Variants in PLSCR1 observed in about 807,000 individuals in gnomAD.
PLSCR1 encodes the protein PL scramblase 1.
A neutral mutation model predicts 37.8 loss-of-function variants in PLSCR1; 17 were observed. The observed-to-expected ratio is 0.45, with a 90% confidence interval of 0.31 to 0.68. The LOEUF (loss-of-function observed/expected upper bound fraction) is 0.68. Ranked by LOEUF, PLSCR1 falls within the 30% of genes least tolerant of loss-of-function variation. The pLI is 0.06. For synonymous variants in PLSCR1, 116 were observed against 125.9 expected (o/e 0.92, Z 0.53); for missense variants, 347 against 380.9 (o/e 0.91, Z 0.74).
intron 7 of PLSCR1, 81 bp downstream of exon 7, chr3:146,521,463 A>T: frequency 8.6e-7 from 1 of 1,161,846 alleles, no homozygotes; most frequent in Non-Finnish European, 1.2e-6. Context: ...ACACTTATTT[A>T]ATGCATTTAT....
intron 3 of PLSCR1, among the ~76,000 whole-genome samples, chr3:146,529,131 T>C (rs1188547342): frequency 6.6e-6 from 1 of 152,222 alleles, no homozygotes; most frequent in African/African-American, 2.4e-5. Context: ...TAGAGTCACC[T>C]ACATAAAGAT....
At chr3:146,544,098 G>A (rs1227025635) in intron 1 of PLSCR1, among the ~76,000 whole-genome samples, 3 of 152,130 alleles carry the variant, frequency 2.0e-5, no homozygotes, top group Non-Finnish European at 2.9e-5. Context: ...CCAGGATTCA[G>A]GGCCGCTCTC....
intron 5 of PLSCR1, among the ~76,000 whole-genome samples, chr3:146,524,829 G>A (rs2044083731): frequency 6.6e-6 from 1 of 152,150 alleles, no homozygotes; most frequent in Non-Finnish European, 1.5e-5. Context: ...ATTTTTACCA[G>A]TGGAAAGAAA....
Position 146,522,070 on chromosome 3 carries a change from C to A in PLSCR1, c.356-17G>T, listed in dbSNP as rs375324462. ...CTGTTAAAACTAAAAACATAAAAGACGAAATCATAATCACCTCTATGTTAA... is the reference window on the plus strand; with the variant it reads ...CTGTTAAAACTAAAAACATAAAAGAAGAAATCATAATCACCTCTATGTTAA... On this transcript the variant is annotated splice_polypyrimidine_tract_variant and intron_variant, in intron 5 of 8. Coordinates refer to ENST00000342435, the MANE Select transcript of PLSCR1 (RefSeq NM_021105.3). The A allele has an allele frequency of 2.3e-6, 3 of 1,331,508 alleles. No individual in the cohort carries two copies. The highest frequency in any genetic ancestry group is 3.3e-6 in the Non-Finnish European group (3 of 922,468). 82.5% of individuals were successfully genotyped at this position (1,331,508 alleles called of 1,614,324 possible). A position where few individuals can be genotyped will look rare whatever the true frequency, so the allele number is the denominator to read the frequency against.
chr3:146,525,580 C>T (rs1156910241), intron 5 of PLSCR1, 25 bp downstream of exon 5: 3 of 1,256,188 alleles, frequency 2.4e-6, no homozygotes, highest in Non-Finnish European at 3.5e-6. Context: ...TTTATAGAAA[C>T]AGGATTAAAA....
intron 2 of PLSCR1, among the ~76,000 whole-genome samples, chr3:146,535,192 T>A (rs1296780219): frequency 7.2e-5 from 11 of 152,096 alleles, no homozygotes; most frequent in Non-Finnish European, 1.5e-4. Context: ...CCTTGACAGG[T>A]ATGTCACATT....
At chr3:146,517,386 T>C (rs929576253) in intron 7 of PLSCR1, 6 of 255,056 alleles carry the variant, frequency 2.4e-5, no homozygotes, top group Non-Finnish European at 3.7e-5. Flanking sequence ...CTGAAATATT[T>C]AACAATTTCT....
At chr3:146,527,699 G>A (rs1295520508) in intron 4 of PLSCR1, among the ~76,000 whole-genome samples, 2 of 152,038 alleles carry the variant, frequency 1.3e-5, no homozygotes, top group African/African-American at 2.4e-5. Context: ...ATATAATAAT[G>A]ACCAAAAATT....
At chr3:146,528,902 G>A in intron 3 of PLSCR1, 71 bp from the exon 4 acceptor site, 1 of 1,070,544 alleles carries the variant, frequency 9.3e-7, no homozygotes. Flanking sequence ...TTAGGGTTAT[G>A]CCATCTATCT....
chr3:146,517,057 TA>T lies in PLSCR1; in HGVS notation c.848del (p.Leu283Ter). ...CAGCTTTCATTTTAACATCAAGGTCTAAAGGGAACTGGATTCCAAAGTTATC... is the reference window on the plus strand; with the variant it reads ...CAGCTTTCATTTTAACATCAAGGTCTAAGGGAACTGGATTCCAAAGTTATC... ...DADNFGIQFP[L>X]DLDVKMKAVM... On this transcript the variant is annotated frameshift_variant, in exon 8 of 9. Transcript: ENST00000342435. LOFTEE classifies it high-confidence loss of function. 1 of 1,604,552 alleles carries T rather than the reference TA, an allele frequency of 6.2e-7. No homozygotes were observed. Among genetic ancestry groups the T allele is most frequent in the Non-Finnish European group, 8.5e-7 (1 of 1,174,442 alleles).
At chr3:146,541,642 T>C (rs576772849) in intron 1 of PLSCR1, among the ~76,000 whole-genome samples, 4 of 152,336 alleles carry the variant, frequency 2.6e-5, no homozygotes, top group South Asian at 4.1e-4. Flanking sequence ...ATCTTTCTTA[T>C]GTAAGACAGA....
intron 4 of PLSCR1, 108 bp from the exon 5 acceptor site, chr3:146,525,755 T>C (rs1469498841): frequency 1.9e-6 from 1 of 539,796 alleles, no homozygotes; most frequent in Non-Finnish European, 3.3e-6. Flanking sequence ...ATGTAACCAA[T>C]TATCAATATT....
rs1273533883 is a variant in PLSCR1 at position 146,517,119 on chromosome 3, A to G, written c.787T>C (p.Trp263Arg). 1.3e-6 allele frequency: 2 copies of G among 1,595,762 alleles called. No individual in the cohort carries two copies. The highest frequency in any genetic ancestry group is 2.3e-5 in the South Asian group (2 of 88,070). ...QCVVGKISKH[W>R]TGILREAFTD... The stretch of plus-strand genomic sequence containing the variant: ...AATGCCTCTCTCAAAATTCCAGTCC[A>G]GTGCTTGGAAATTTTGCCAACCACA... Residue 263 changes from tryptophan to arginine, a missense_variant, in exon 8 of 9, where the codon TGG becomes CGG. Trp to Arg is a moderately radical substitution (Grantham distance 101). Coordinates refer to ENST00000342435, the MANE Select transcript of PLSCR1 (RefSeq NM_021105.3).
At chr3:146,531,363 G>A (rs768078091) in intron 3 of PLSCR1, among the ~76,000 whole-genome samples, 3 of 152,098 alleles carry the variant, frequency 2.0e-5, no homozygotes, top group Non-Finnish European at 2.9e-5. Flanking sequence ...TATCCTAAAA[G>A]TAATAGGCCA....
intron 7 of PLSCR1, among the ~76,000 whole-genome samples, chr3:146,520,650 A>C (rs149396867): frequency 7.9e-5 from 12 of 152,198 alleles, no homozygotes; most frequent in Non-Finnish European, 1.6e-4. Context: ...GGAATAAAAT[A>C]CCATGTGATT....
chr3:146,516,934 C>G lies in PLSCR1; in HGVS notation c.900+72G>C. The G allele has an allele frequency of 4.3e-6, 4 of 940,294 alleles. No individual in the cohort carries two copies. The Admixed American group carries it at 1.1e-4, about 26-fold the overall frequency. The allele number at this position is 940,294 out of a possible 1,614,324, so 58.2% of individuals were successfully genotyped here. A position where few individuals can be genotyped will look rare whatever the true frequency, so the allele number is the denominator to read the frequency against. On this transcript the variant is annotated intron_variant, in intron 8 of 8. Transcript: ENST00000342435. ...TTTTAAAATGTCATTTTGAAATATACACTTTACTGAATCATTTCAGAATGA... is the reference window on the plus strand; with the variant it reads ...TTTTAAAATGTCATTTTGAAATATAGACTTTACTGAATCATTTCAGAATGA...
At chr3:146,530,710 T>C (rs1027646113) in intron 3 of PLSCR1, among the ~76,000 whole-genome samples, 1 of 152,106 alleles carries the variant, frequency 6.6e-6, no homozygotes, top group Non-Finnish European at 1.5e-5. Flanking sequence ...GAGAGGAATG[T>C]CATAAGAAAG....
At position 146,521,694 on chromosome 3, in the gene PLSCR1, T is replaced by G; in HGVS notation, c.588A>C (p.Gln196His). The change falls in exon 7 of 9, where the codon CAA (glutamine) becomes CAC (histidine). Residue 196 changes from glutamine (Q) to histidine (H), a missense_variant. Physicochemically the swap from Gln to His is conservative, Grantham distance 24. Coordinates refer to ENST00000342435, the MANE Select transcript of PLSCR1 (RefSeq NM_021105.3). ...CPCCLQEIEIQAPPGVPIGYV... is the reference protein window; with the variant it reads ...CPCCLQEIEIHAPPGVPIGYV... ...AACCTATTGGTACACCAGGAGGAGCTTGGATTTCTATCTACAAAGGCAAAA... is the reference window on the plus strand; with the variant it reads ...AACCTATTGGTACACCAGGAGGAGCGTGGATTTCTATCTACAAAGGCAAAA... The G allele has an allele frequency of 6.2e-7, 1 of 1,612,886 alleles. No individual in the cohort carries two copies. The highest frequency in any genetic ancestry group is 1.1e-5 in the South Asian group (1 of 91,026).
rs759342358 is a variant in PLSCR1 at position 146,516,056 on chromosome 3, C to A, written c.946G>T (p.Gly316Ter). ...CTTTCACTAATCCACTACCACACTCCTGATTTTTGTTCCTGGCTGCCAGTG... is the reference window on the plus strand; with the variant it reads ...CTTTCACTAATCCACTACCACACTCATGATTTTTGTTCCTGGCTGCCAGTG... ...ESTGSQEQKS[G>*]VW The change falls in exon 9 of 9, where the codon GGA becomes TGA. Residue 316 changes from glycine (G) to a stop codon, truncating the protein, a stop_gained. Coordinates refer to ENST00000342435, the MANE Select transcript of PLSCR1 (RefSeq NM_021105.3). LOFTEE classifies it high-confidence loss of function. 6.2e-7 allele frequency: 1 copy of A among 1,607,554 alleles called. No homozygotes were observed. Among genetic ancestry groups the A allele is most frequent in the Non-Finnish European group, 8.5e-7 (1 of 1,174,890 alleles).
Sources: gnomAD v4.1 joint callset for allele counts (sites outside exome capture counted in the v4.1 genomes callset) on GRCh38, gnomAD v4.1.1 for gene constraint, MANE v1.5 for transcripts, NCBI Gene and HGNC (gene_info 2026-07-23, HGNC 2026-07-21) for gene names.